The following TAF1 variants were observed in gnomAD, a reference collection of about 807,000 sequenced individuals.
TAF1 encodes TATA-box binding protein associated factor 1.
Under a neutral mutation model 138.5 loss-of-function variants are expected in TAF1, and 2 were observed. The ratio of observed to expected loss-of-function variants is 0.01; its 90% CI spans 0.01 to 0.05. The LOEUF is 0.05. TAF1 is among the 10% of genes least tolerant of loss of function. TAF1 has a pLI of 1.00. For synonymous variants in TAF1, 437 were observed against 503.2 expected (o/e 0.87, Z 1.76); for missense variants, 709 against 1,478.0 (o/e 0.48, Z 8.53).
chrX:71,489,021 C>T (rs868781602), intron 13 of TAF1, among the ~76,000 whole-genome samples: 9 of 106,352 alleles, frequency 8.5e-5, no homozygotes, highest in East Asian at 2.9e-4. Flanking sequence ...GAGCCGAGAT[C>T]GCACCACTGC....
At chrX:71,375,820 G>A (rs1248310915) in intron 4 of TAF1, among the ~76,000 whole-genome samples, 1 of 112,326 alleles carries the variant, frequency 8.9e-6, no homozygotes, top group African/African-American at 3.2e-5. Flanking sequence ...AAAGTGCTGG[G>A]ATTACAGGCG....
chrX:71,529,937 G>A (rs953440734), exon 15 of TAF1: 8 of 234,337 alleles, frequency 3.4e-5, no homozygotes, highest in Non-Finnish European at 5.6e-5. Flanking sequence ...TCCTCATCTG[G>A]CAGAACTCCC....
chrX:71,409,203 T>C (rs1417878753), intron 28 of TAF1, among the ~76,000 whole-genome samples: 3 of 110,465 alleles, frequency 2.7e-5, no homozygotes, highest in African/African-American at 9.8e-5. Context: ...TCTTTTTTTT[T>C]TTTCCCTTGT....
intron 27 of TAF1, 140 bp from the exon 28 acceptor site, chrX:71,407,834 T>G (rs2035555185): frequency 2.1e-6 from 2 of 973,316 alleles, no homozygotes; most frequent in Admixed American, 6.7e-5. Context: ...AGCAGTTTAG[T>G]AGAGGAAACA....
At chrX:71,476,268 G>C (rs1478121826) in intron 13 of TAF1, among the ~76,000 whole-genome samples, 1 of 111,304 alleles carries the variant, frequency 9.0e-6, no homozygotes, top group Non-Finnish European at 1.9e-5. Flanking sequence ...ACTTTATATG[G>C]AAGAGGAACT....
intron 32 of TAF1, among the ~76,000 whole-genome samples, chrX:71,437,367 A>G (rs781475132): frequency 7.2e-5 from 8 of 110,370 alleles, no homozygotes; most frequent in Non-Finnish European, 1.3e-4. Flanking sequence ...TTGGCCACTC[A>G]TGAATAATAA....
intron 30 of TAF1, 36 bp downstream of exon 30, chrX:71,423,275 T>G: frequency 8.3e-7 from 1 of 1,209,685 alleles, no homozygotes; most frequent in African/African-American, 1.7e-5. Flanking sequence ...GTGAGGATCG[T>G]GCAGGGGAAA....
At chrX:71,408,468 C>T (rs2035589408) in intron 28 of TAF1, among the ~76,000 whole-genome samples, 1 of 110,566 alleles carries the variant, frequency 9.0e-6, no homozygotes, top group South Asian at 3.9e-4. Flanking sequence ...AGGCATGCGC[C>T]ACCATGCCTG....
intron 37 of TAF1, among the ~76,000 whole-genome samples, chrX:71,461,413 A>G (rs754245951): frequency 4.2e-4 from 47 of 111,589 alleles, no homozygotes; most frequent in African/African-American, 1.5e-3. Flanking sequence ...AGGAAGTAAC[A>G]TCAAATTTGT....
At position 71,460,806 on chromosome X, in the gene TAF1, AATCG is replaced by A; in HGVS notation, c.5399+5_5399+8del. ...GGTTTGGAGGATAGCAACATCAGGT[AATCG>A]ACAGCAACATGCTACAGGGCTGTGG... On this transcript the variant is annotated splice_donor_5th_base_variant and intron_variant, in intron 37 of 37. Coordinates refer to ENST00000423759, the MANE Select transcript of TAF1 (RefSeq NM_004606.5). The A allele has an allele frequency of 8.5e-7, 1 of 1,180,645 alleles. No individual in the cohort carries two copies. The highest frequency in any genetic ancestry group is 1.1e-6 in the Non-Finnish European group (1 of 879,222).
At chrX:71,461,908 C>G (rs558791863) in intron 37 of TAF1, among the ~76,000 whole-genome samples, 2 of 110,718 alleles carry the variant, frequency 1.8e-5, no homozygotes, top group South Asian at 3.8e-4. Context: ...GGAAATTGAG[C>G]CTAATATGAA....
intron 13 of TAF1, among the ~76,000 whole-genome samples, chrX:71,502,960 C>T (rs1386665071): frequency 9.3e-6 from 1 of 108,008 alleles, no homozygotes; most frequent in Non-Finnish European, 1.9e-5. Context: ...AAAAGAAAAA[C>T]AAAAACAAAA....
intron 32 of TAF1, among the ~76,000 whole-genome samples, chrX:71,442,713 G>A (rs2037491718): frequency 8.9e-6 from 1 of 111,895 alleles, no homozygotes; most frequent in African/African-American, 3.3e-5. Flanking sequence ...TGGTTTTGGT[G>A]TTTTAGTCAT....
intron 28 of TAF1, among the ~76,000 whole-genome samples, chrX:71,420,801 C>T (rs1371366779): frequency 8.9e-6 from 1 of 112,696 alleles, no homozygotes; most frequent in Non-Finnish European, 1.9e-5. Context: ...GGCTTGGGCT[C>T]CGGCTCGGGG....
intron 3 of TAF1, among the ~76,000 whole-genome samples, chrX:71,370,886 A>T (rs1290183254): frequency 8.9e-6 from 1 of 112,202 alleles, no homozygotes; most frequent in East Asian, 2.8e-4. Context: ...GGATATTGTT[A>T]TCTTTTGGGG....
chrX:71,484,236 G>A (rs2039131886), intron 13 of TAF1, among the ~76,000 whole-genome samples: 1 of 111,372 alleles, frequency 9.0e-6, no homozygotes, highest in Admixed American at 9.6e-5. Context: ...AACAATGTTT[G>A]AGTCTCCTGG....
intron 13 of TAF1, among the ~76,000 whole-genome samples, chrX:71,518,931 G>A (rs1424661131): frequency 9.4e-6 from 1 of 106,304 alleles, no homozygotes; most frequent in Non-Finnish European, 1.9e-5. Context: ...TCCTGACCTC[G>A]TGATCTGCCC....
chrX:71,375,332 C>T, intron 4 of TAF1, 46 bp downstream of exon 4: 1 of 1,193,441 alleles, frequency 8.4e-7, no homozygotes, highest in Non-Finnish European at 1.1e-6. Flanking sequence ...AGTTTTCATT[C>T]CTAAGTCCAG....
At position 71,379,057 on chromosome X, in the gene TAF1, A is replaced by G. The variant is rs971556756; in HGVS notation, c.1360+26A>G. 3 of 1,160,252 alleles carry G rather than the reference A, an allele frequency of 2.6e-6. No homozygotes were observed. In the African/African-American group the frequency reaches 5.5e-5, roughly 21 times the overall value. ...GTGTGCTTCTGTGCCAGCTGTGTCTAGCAGATACTGCCCTTAATCTTAGTC... is the reference window on the plus strand; with the variant it reads ...GTGTGCTTCTGTGCCAGCTGTGTCTGGCAGATACTGCCCTTAATCTTAGTC... On this transcript the variant is annotated intron_variant, in intron 8 of 37. Coordinates refer to ENST00000423759, the MANE Select transcript of TAF1 (RefSeq NM_004606.5).
Sources: allele counts gnomAD v4.1 joint callset (sites outside exome capture counted in the v4.1 genomes callset), GRCh38; gene constraint gnomAD v4.1.1; transcripts MANE v1.5; gene names NCBI Gene and HGNC (gene_info 2026-07-23, HGNC 2026-07-21).